The following SLC12A1 variants were observed in gnomAD, a reference collection of about 807,000 sequenced individuals.
The protein encoded by SLC12A1 is Na-K-2Cl cotransporter.
Under a neutral mutation model 130.4 loss-of-function variants are expected in SLC12A1, and 89 were observed. That is an observed-to-expected ratio of 0.68 (90% CI 0.58 to 0.81). The LOEUF (loss-of-function observed/expected upper bound fraction) is 0.81. SLC12A1 is among the 40% of genes least tolerant of loss of function. SLC12A1 has a pLI of 0.00. For missense variants in SLC12A1, 1,310 were observed against 1,336.4 expected, an observed-to-expected ratio of 0.98 and a Z score of 0.31; for synonymous variants, 499 against 460.0, an observed-to-expected ratio of 1.08 and a Z score of -1.09.
At chr15:48,286,305 C>G (rs1342644495) in intron 21 of SLC12A1, among the ~76,000 whole-genome samples, 1 of 152,164 alleles carries the variant, frequency 6.6e-6, no homozygotes, top group Non-Finnish European at 1.5e-5. Context: ...CCTGGGATAC[C>G]CCATGGGCCG....
Position 48,303,022 on chromosome 15 carries a change from C to A in SLC12A1, c.*137C>A. 1.6e-6 allele frequency: 1 copy of A among 610,514 alleles called. No homozygotes were observed. Among genetic ancestry groups the A allele is most frequent in the Non-Finnish European group, 2.6e-6 (1 of 386,338 alleles). The allele number at this position is 610,514 out of a possible 1,614,324, so 37.8% of individuals were successfully genotyped here. ...ATCCTACCAGATTCTACATACATTG[C>A]ATAATTTTTATCAGTTAATGCGAGC... On this transcript the variant is annotated 3_prime_UTR_variant, in exon 27 of 27. Transcript: ENST00000380993.
Position 48,267,568 on chromosome 15 carries a change from G to A in SLC12A1, c.2162G>A (p.Arg721His), listed in dbSNP as rs1414747086. Residue 721 changes from arginine to histidine, a missense_variant, in exon 18 of 27, where the codon CGC becomes CAC. Coordinates refer to ENST00000380993, the MANE Select transcript of SLC12A1 (RefSeq NM_000338.3). ...CICCEVFVGP[R>H]KLCVKEMNSG... The stretch of plus-strand genomic sequence containing the variant: ...TTTCATTGTGTCACACAGGGACCGC[G>A]CAAACTGTGTGTTAAGGAGATGAAC... 13 of 1,613,302 alleles carry A rather than the reference G, an allele frequency of 8.1e-6. No homozygotes were observed. The highest frequency in any genetic ancestry group is 3.3e-5 in the South Asian group (3 of 91,048).
intron 4 of SLC12A1, 54 bp from the exon 5 acceptor site, chr15:48,226,422 G>C: frequency 1.8e-6 from 2 of 1,100,590 alleles, no homozygotes; most frequent in Non-Finnish European, 2.7e-6. Flanking sequence ...CAGCAATAGG[G>C]AATCCAAGGA....
intron 6 of SLC12A1, 60 bp downstream of exon 6, chr15:48,229,388 T>G (rs2041340324): frequency 6.7e-7 from 1 of 1,492,512 alleles, no homozygotes; most frequent in Non-Finnish European, 9.1e-7. Flanking sequence ...GTTTGCCTTC[T>G]CAGGGCACTA....
chr15:48,275,003 C>T (rs1258189385), intron 20 of SLC12A1, among the ~76,000 whole-genome samples: 1 of 152,126 alleles, frequency 6.6e-6, no homozygotes, highest in African/African-American at 2.4e-5. Context: ...TAATTCTTTC[C>T]TTGGAAAAAC....
At position 48,241,498 on chromosome 15, in the gene SLC12A1, A is replaced by G; in HGVS notation, c.1216-17A>G. The G allele has an allele frequency of 1.3e-6, 2 of 1,577,968 alleles. No individual in the cohort carries two copies. The highest frequency in any genetic ancestry group is 1.7e-6 in the Non-Finnish European group (2 of 1,147,088). On this transcript the variant is annotated splice_polypyrimidine_tract_variant and intron_variant, in intron 9 of 26. Transcript: ENST00000380993. ...TTCTGCTCTGTATTCTTCTACCTCCACATTATTTTTTTAAAGGATCCCCAA... is the reference window on the plus strand; with the variant it reads ...TTCTGCTCTGTATTCTTCTACCTCCGCATTATTTTTTTAAAGGATCCCCAA...
At chr15:48,284,146 T>C (rs1419024633) in intron 20 of SLC12A1, among the ~76,000 whole-genome samples, 5 of 152,360 alleles carry the variant, frequency 3.3e-5, no homozygotes, top group Admixed American at 3.3e-4. Context: ...TTTTAGCAAT[T>C]TGAACTCTGA....
intron 16 of SLC12A1, among the ~76,000 whole-genome samples, chr15:48,257,806 T>C (rs1291641766): frequency 1.3e-5 from 2 of 152,146 alleles, no homozygotes; most frequent in Admixed American, 1.3e-4. Flanking sequence ...GCCCCGGAAA[T>C]ATTTTCCCCA....
At chr15:48,221,816 G>C (rs1329182218) in intron 4 of SLC12A1, among the ~76,000 whole-genome samples, 1 of 152,132 alleles carries the variant, frequency 6.6e-6, no homozygotes, top group East Asian at 1.9e-4. Context: ...ACTTTCCGGA[G>C]AAGACTTAGT....
chr15:48,269,596 A>T, intron 18 of SLC12A1, 62 bp from the exon 19 acceptor site: 1 of 837,376 alleles, frequency 1.2e-6, no homozygotes, highest in South Asian at 1.5e-5. Flanking sequence ...ATTATTTTTC[A>T]TTTGTGATGG....
At chr15:48,231,272 T>C (rs1461620343) in intron 7 of SLC12A1, among the ~76,000 whole-genome samples, 1 of 152,236 alleles carries the variant, frequency 6.6e-6, no homozygotes, top group East Asian at 1.9e-4. Context: ...TAGGCACTGA[T>C]ATTCACCTGT....
Position 48,255,847 on chromosome 15 carries a change from A to T in SLC12A1, c.1979A>T (p.Tyr660Phe). Residue 660 changes from tyrosine to phenylalanine, a missense_variant, in exon 16 of 27, where the codon TAC (tyrosine) becomes TTC (phenylalanine). Transcript: ENST00000380993. ...NWGSSTQALS[Y>F]VSALDNALEL... The stretch of plus-strand genomic sequence containing the variant: ...GGCTCCTCCACACAGGCTCTTTCCT[A>T]CGTGAGTGCTTTAGACAATGCTCTG... 2 of 1,608,622 alleles carry T rather than the reference A, an allele frequency of 1.2e-6. No individual in the cohort carries two copies. Among genetic ancestry groups the T allele is most frequent in the Non-Finnish European group, 8.5e-7 (1 of 1,177,522 alleles).
chr15:48,270,316 G>A (rs998818744), intron 19 of SLC12A1, among the ~76,000 whole-genome samples: 1 of 152,134 alleles, frequency 6.6e-6, no homozygotes, highest in Non-Finnish European at 1.5e-5. Flanking sequence ...TAGGATGTAA[G>A]TAATAATGAT....
intron 18 of SLC12A1, among the ~76,000 whole-genome samples, chr15:48,268,519 C>T (rs928796613): frequency 5.9e-5 from 9 of 152,118 alleles, no homozygotes; most frequent in South Asian, 2.1e-4. Context: ...AACTCAGATG[C>T]GCATGCAGGC....
intron 17 of SLC12A1, among the ~76,000 whole-genome samples, chr15:48,266,276 G>A (rs556305557): frequency 3.3e-5 from 5 of 152,196 alleles, no homozygotes; most frequent in African/African-American, 1.2e-4. Context: ...AATCACATCC[G>A]GGGCTTTGAT....
At chr15:48,279,233 G>A (rs2041986214) in intron 20 of SLC12A1, among the ~76,000 whole-genome samples, 1 of 152,122 alleles carries the variant, frequency 6.6e-6, no homozygotes, top group Non-Finnish European at 1.5e-5. Context: ...AAATAAACTT[G>A]CATTTCATTA....
chr15:48,266,866 T>C (rs988556335), intron 17 of SLC12A1, among the ~76,000 whole-genome samples: 1 of 152,330 alleles, frequency 6.6e-6, no homozygotes, highest in African/African-American at 2.4e-5. Flanking sequence ...CTTGAAATTA[T>C]AAAATGCCTT....
intron 17 of SLC12A1, among the ~76,000 whole-genome samples, chr15:48,262,142 G>C (rs2041781791): frequency 6.6e-6 from 1 of 152,098 alleles, no homozygotes; most frequent in Non-Finnish European, 1.5e-5. Flanking sequence ...AGAAAAATGA[G>C]GTCCAGACAC....
intron 20 of SLC12A1, among the ~76,000 whole-genome samples, chr15:48,282,411 T>C (rs1268968902): frequency 6.6e-6 from 1 of 152,174 alleles, no homozygotes; most frequent in Non-Finnish European, 1.5e-5. Flanking sequence ...GGATTTATCT[T>C]TCTTTCCCTC....
Sources: allele counts gnomAD v4.1 joint callset (sites outside exome capture counted in the v4.1 genomes callset), GRCh38; gene constraint gnomAD v4.1.1; transcripts MANE v1.5; gene names NCBI Gene and HGNC (gene_info 2026-07-23, HGNC 2026-07-21).